The following DAB1 variants were observed in gnomAD, a reference collection of about 807,000 sequenced individuals.
DAB1 encodes DAB adaptor protein 1, also known as disabled homolog 1.
In DAB1, 15 loss-of-function variants were observed where a neutral mutation model predicts 64.6. That is an observed-to-expected ratio of 0.23 (90% confidence interval 0.16 to 0.36). DAB1 has a LOEUF of 0.36. Ranked by LOEUF, DAB1 falls within the 10% of genes least tolerant of loss-of-function variation. DAB1 has a pLI of 1.00. For missense variants in DAB1, 596 were observed against 706.7 expected (o/e 0.84, Z 1.78); for synonymous variants, 235 against 251.9 (o/e 0.93, Z 0.64).
At chr1:57,722,278 G>T (rs758379436) in intron 6 of DAB1, among the ~76,000 whole-genome samples, 3 of 152,156 alleles carry the variant, frequency 2.0e-5, no homozygotes, top group Non-Finnish European at 4.4e-5. Flanking sequence ...AGTCATCTTA[G>T]AATATAGAGT....
At chr1:58,512,906 TAAAAAA>T (rs1360270580) in intron 2 of DAB1, among the ~76,000 whole-genome samples, 2 of 152,084 alleles carry the variant, frequency 1.3e-5, no homozygotes, top group Non-Finnish European at 2.9e-5. Context: ...ATGTACTTAC[TAAAAAA>T]GAGAAAAAAA....
At chr1:57,583,905 G>A (rs1281024874) in intron 7 of DAB1, among the ~76,000 whole-genome samples, 5 of 152,206 alleles carry the variant, frequency 3.3e-5, no homozygotes, top group Admixed American at 6.5e-5. Flanking sequence ...ACATGCCATT[G>A]CGGCCTTAGG....
chr1:57,004,438 G>A (rs888167530), intron 14 of DAB1, among the ~76,000 whole-genome samples: 3 of 152,228 alleles, frequency 2.0e-5, no homozygotes, highest in Non-Finnish European at 4.4e-5. Flanking sequence ...TGCTGACAAA[G>A]GTGATCTCAG....
intron 5 of DAB1, among the ~76,000 whole-genome samples, chr1:58,137,034 GA>G (rs993223267): frequency 6.6e-6 from 1 of 152,100 alleles, no homozygotes; most frequent in African/African-American, 2.4e-5. Context: ...TGAATGGCGG[GA>G]AGGGCACAGA....
At chr1:57,009,573 G>A (rs926851561) in intron 14 of DAB1, among the ~76,000 whole-genome samples, 4 of 152,106 alleles carry the variant, frequency 2.6e-5, no homozygotes, top group East Asian at 1.9e-4. Context: ...GGTAGCCTCC[G>A]AATCCATTTA....
chr1:57,874,661 C>A (rs1028308173), intron 1 of DAB1, among the ~76,000 whole-genome samples: 1 of 152,094 alleles, frequency 6.6e-6, no homozygotes, highest in Non-Finnish European at 1.5e-5. Flanking sequence ...GGGAGCATGA[C>A]AAGATTTCTA....
Position 57,538,726 on chromosome 1 carries a change from G to A in DAB1, n.625+110866C>T, listed in dbSNP as rs551936831. Among the ~76,000 whole-genome samples the A allele has an allele frequency of 5.3e-5, 8 of 152,244 alleles. No individual in the cohort carries two copies. In the South Asian group the frequency reaches 1.2e-3, roughly 24 times the overall value. On this transcript the variant is annotated intron_variant and non_coding_transcript_variant, in intron 7 of 20. Transcript: ENST00000485760. ...CAGGCCCATTGCTGCCATGGATGGC[G>A]TTAGGAGTTGAACTTCCCCTGTCTG...
At chr1:57,899,668 C>T (rs1232529529) in intron 5 of DAB1, among the ~76,000 whole-genome samples, 1 of 151,832 alleles carries the variant, frequency 6.6e-6, no homozygotes, top group Non-Finnish European at 1.5e-5. Flanking sequence ...CCTTGTTTTC[C>T]ACAAAGCTTC....
At chr1:57,680,196 G>C (rs1646620248) in intron 6 of DAB1, among the ~76,000 whole-genome samples, 1 of 152,222 alleles carries the variant, frequency 6.6e-6, no homozygotes, top group Admixed American at 6.5e-5. Context: ...ATCGAAGATA[G>C]AAAAGAAAAG....
In DAB1 at chr1:58,261,592, G is replaced by C. The variant is rs543670637; in HGVS notation, n.309+81760C>G. Reference sequence around the variant, plus strand: ...ACTTTAATTCCCCCGAGAAGGGGTGGAGAAAGGCCAGATTCATGCAAAAAG... The same window carrying C: ...ACTTTAATTCCCCCGAGAAGGGGTGCAGAAAGGCCAGATTCATGCAAAAAG... On this transcript the variant is annotated intron_variant and non_coding_transcript_variant, in intron 4 of 20. Transcript: ENST00000485760. Among the ~76,000 whole-genome samples, 3 of 152,198 alleles carry C rather than the reference G, an allele frequency of 2.0e-5. No individual in the cohort carries two copies. The South Asian group carries it at 6.2e-4, about 32-fold the overall frequency.
chr1:58,365,480 C>T (rs187859158), intron 3 of DAB1, among the ~76,000 whole-genome samples: 32 of 152,266 alleles, frequency 2.1e-4, no homozygotes, highest in Non-Finnish European at 3.7e-4. Flanking sequence ...CTGGTGACTG[C>T]GTGAGGTAGG....
chr1:58,224,211 C>A (rs1356630610), intron 4 of DAB1, among the ~76,000 whole-genome samples: 1 of 152,112 alleles, frequency 6.6e-6, no homozygotes, highest in Non-Finnish European at 1.5e-5. Flanking sequence ...GTTGTCTGAG[C>A]CTAGGTTCCA....
intron 5 of DAB1, among the ~76,000 whole-genome samples, chr1:58,141,840 C>G (rs1322131149): frequency 6.6e-6 from 1 of 152,128 alleles, no homozygotes; most frequent in East Asian, 1.9e-4. Flanking sequence ...AGATGTGATA[C>G]AACATGGCAT....
At chr1:58,032,376 T>C (rs1479321956) in intron 5 of DAB1, among the ~76,000 whole-genome samples, 4 of 152,260 alleles carry the variant, frequency 2.6e-5, no homozygotes, top group East Asian at 1.9e-4. Context: ...ATTGAGATAA[T>C]AGCTATCTCA....
chr1:58,346,713 T>C (rs1302446133), intron 3 of DAB1, among the ~76,000 whole-genome samples: 1 of 152,202 alleles, frequency 6.6e-6, no homozygotes, highest in Non-Finnish European at 1.5e-5. Context: ...ATCATTCCAC[T>C]AACAAAGGAC....
intron 5 of DAB1, among the ~76,000 whole-genome samples, chr1:58,043,791 G>A (rs891377879): frequency 1.3e-5 from 2 of 151,926 alleles, no homozygotes; most frequent in African/African-American, 4.8e-5. Flanking sequence ...GCAGTGGCAC[G>A]ATCTCGGCTT....
At chr1:57,286,517 ATAG>A (rs1474556321) in intron 2 of DAB1, among the ~76,000 whole-genome samples, 3 of 152,230 alleles carry the variant, frequency 2.0e-5, no homozygotes, top group African/African-American at 7.2e-5. Flanking sequence ...TCAGTTGTTA[ATAG>A]TAGTTATTTT....
chr1:58,421,555 T>C (rs1458565736), intron 3 of DAB1, among the ~76,000 whole-genome samples: 1 of 152,156 alleles, frequency 6.6e-6, no homozygotes, highest in Non-Finnish European at 1.5e-5. Context: ...TCGGGGAAGG[T>C]AGCAGGAGGA....
At chr1:57,499,397 G>A (rs1014514208) in intron 7 of DAB1, among the ~76,000 whole-genome samples, 2 of 152,200 alleles carry the variant, frequency 1.3e-5, no homozygotes, top group African/African-American at 4.8e-5. Flanking sequence ...GGTTGGGGAG[G>A]AGCTGGGAGT....
Sources: gnomAD v4.1 joint callset for allele counts (sites outside exome capture counted in the v4.1 genomes callset) on GRCh38, gnomAD v4.1.1 for gene constraint, MANE v1.5 for transcripts, NCBI Gene and HGNC (gene_info 2026-07-23, HGNC 2026-07-21) for gene names.